Variants in GNB1 observed in about 807,000 individuals in gnomAD.
GNB1 encodes G protein subunit beta 1.
Under a neutral mutation model 42.9 loss-of-function variants are expected in GNB1, and 2 were observed. The observed-to-expected ratio is 0.05, with a 90% confidence interval of 0.02 to 0.15. The LOEUF (loss-of-function observed/expected upper bound fraction) is 0.15, where lower values mean the gene tolerates loss of function less well. Among genes scored for constraint, GNB1 ranks in the 10% least tolerant of loss-of-function variants. The pLI, the probability that GNB1 is intolerant of heterozygous loss-of-function variation, is 1.00. For synonymous variants in GNB1, 183 were observed against 174.7 expected (o/e 1.05, Z -0.38); for missense variants, 193 against 462.2 (o/e 0.42, Z 5.34).
At chr1:1,839,507 A>G (rs1329998600) in intron 1 of GNB1, 1 of 152,160 alleles carries the variant, frequency 6.6e-6, no homozygotes, top group Non-Finnish European at 1.5e-5. Context: ...AAGTATGGGC[A>G]CAGAGGTTAG....
intron 1 of GNB1, among the ~76,000 whole-genome samples, chr1:1,846,117 G>A (rs1234283735): frequency 2.0e-5 from 3 of 151,584 alleles, no homozygotes; most frequent in African/African-American, 7.3e-5. Flanking sequence ...GCCAAATTTA[G>A]GACAATCTGA....
intron 1 of GNB1, among the ~76,000 whole-genome samples, chr1:1,841,488 G>C (rs1400237693): frequency 6.6e-6 from 1 of 152,176 alleles, no homozygotes; most frequent in South Asian, 2.1e-4. Context: ...CCTGATTTCA[G>C]AACATTTAAA....
At chr1:1,817,561 C>A in intron 4 of GNB1, 1 of 269,598 alleles carries the variant, frequency 3.7e-6, no homozygotes, top group Non-Finnish European at 7.0e-6. Context: ...AGGAGAGGAG[C>A]TTCAAAATAT....
At chr1:1,871,033 T>G (rs191379700) in intron 1 of GNB1, among the ~76,000 whole-genome samples, 239 of 151,458 alleles carry the variant, frequency 1.6e-3, no homozygotes, top group Middle Eastern at 3.4e-3. Flanking sequence ...CAACCTTCTT[T>G]AAGTCGTATC....
chr1:1,885,642 C>T (rs1476951876), intron 1 of GNB1, among the ~76,000 whole-genome samples: 1 of 146,604 alleles, frequency 6.8e-6, no homozygotes, highest in Non-Finnish European at 1.5e-5. Context: ...CTGCAAGCTC[C>T]GCCTCCCGGG....
In GNB1 at chr1:1,804,586, TGACA is replaced by T. The variant is rs1355386787; in HGVS notation, c.268-9_268-6del. ...GCGCAGAGGGATGGCGTGGACCTAA[TGACA>T]GAAAGACAGATGATGCAAACAACTT... On this transcript the variant is annotated splice_polypyrimidine_tract_variant and splice_region_variant and intron_variant, in intron 6 of 11. Coordinates refer to ENST00000378609, the MANE Select transcript of GNB1 (RefSeq NM_002074.5). The T allele has an allele frequency of 1.3e-6, 2 of 1,573,420 alleles. No individual in the cohort carries two copies. Among genetic ancestry groups the T allele is most frequent in the South Asian group, 2.3e-5 (2 of 86,530 alleles).
At chr1:1,817,123 C>T (rs77893901) in intron 4 of GNB1, among the ~76,000 whole-genome samples, 1 of 152,274 alleles carries the variant, frequency 6.6e-6, no homozygotes, top group African/African-American at 2.4e-5. Flanking sequence ...CCTAACACCC[C>T]TGCTGGCCAC....
intron 1 of GNB1, among the ~76,000 whole-genome samples, chr1:1,845,465 C>T (rs1458495166): frequency 6.6e-6 from 1 of 152,012 alleles, no homozygotes; most frequent in Non-Finnish European, 1.5e-5. Context: ...CCCAGCTACT[C>T]AGGAGGCTGA....
At chr1:1,877,069 G>C (rs1195001852) in intron 1 of GNB1, among the ~76,000 whole-genome samples, 2 of 152,044 alleles carry the variant, frequency 1.3e-5, no homozygotes, top group Admixed American at 1.3e-4. Flanking sequence ...GGGAGGCCAA[G>C]GTGGGCGGAT....
chr1:1,889,862 G>C (rs1171615215), intron 1 of GNB1, among the ~76,000 whole-genome samples: 1 of 152,138 alleles, frequency 6.6e-6, no homozygotes, highest in South Asian at 2.1e-4. Context: ...ATTTTCAACA[G>C]ATCTCCCCAC....
chr1:1,787,106 C>T lies in GNB1; in HGVS notation c.*10-53G>A, dbSNP rs972593312. Reference sequence around the variant, plus strand: ...TGAAAAGAGGCAGAGAATCTAAGTGCAGACGCACAGCCAGGTCACTGCTCT... The same window carrying T: ...TGAAAAGAGGCAGAGAATCTAAGTGTAGACGCACAGCCAGGTCACTGCTCT... On this transcript the variant is annotated intron_variant, in intron 11 of 11. Transcript: ENST00000378609. The surrounding 1 kb of genome is among the most constrained non-coding windows in gnomAD (Gnocchi z 4.4). The T allele has an allele frequency of 4.7e-6, 2 of 427,000 alleles. No homozygotes were observed. Among genetic ancestry groups the T allele is most frequent in the Non-Finnish European group, 8.5e-6 (2 of 235,860 alleles). 26.5% of individuals were successfully genotyped at this position (427,000 alleles called of 1,614,324 possible). A position where few individuals can be genotyped will look rare whatever the true frequency, so the allele number is the denominator to read the frequency against.
At chr1:1,870,820 C>T (rs1649206275) in intron 1 of GNB1, among the ~76,000 whole-genome samples, 1 of 152,156 alleles carries the variant, frequency 6.6e-6, no homozygotes, top group Admixed American at 6.5e-5. Context: ...CACCTGTCAT[C>T]CCAGCTACTC....
intron 1 of GNB1, among the ~76,000 whole-genome samples, chr1:1,875,234 C>A (rs1438574810): frequency 1.3e-5 from 2 of 151,944 alleles, no homozygotes; most frequent in African/African-American, 2.4e-5. Flanking sequence ...CTCTGCCTAC[C>A]AGTCTGGAGT....
Position 1,787,198 on chromosome 1 carries a change from C to A in GNB1, c.*9+124G>T. The stretch of plus-strand genomic sequence containing the variant: ...TTCAGCTTTCTGTAAACGTTTCCCA[C>A]AACACAATTCCAAATCAATGCTACA... On this transcript the variant is annotated intron_variant, in intron 11 of 11. Coordinates refer to ENST00000378609, the MANE Select transcript of GNB1 (RefSeq NM_002074.5). This position sits in a 1 kb window ranked among gnomAD's most constrained non-coding sequence, Gnocchi z 4.4. The A allele has an allele frequency of 1.5e-6, 1 of 654,808 alleles. No individual in the cohort carries two copies. Among genetic ancestry groups the A allele is most frequent in the Non-Finnish European group, 2.7e-6 (1 of 368,052 alleles). 40.6% of individuals were successfully genotyped at this position (654,808 alleles called of 1,614,324 possible).
At chr1:1,811,073 A>G (rs1172496500) in intron 5 of GNB1, among the ~76,000 whole-genome samples, 3 of 32,656 alleles carry the variant, frequency 9.2e-5, no homozygotes, top group African/African-American at 2.0e-4. Flanking sequence ...ATATATACAT[A>G]TATATATATT....
At chr1:1,804,213 C>T (rs566059579) in intron 7 of GNB1, among the ~76,000 whole-genome samples, 2 of 151,866 alleles carry the variant, frequency 1.3e-5, no homozygotes, top group Non-Finnish European at 2.9e-5. Flanking sequence ...AGGGGAATGG[C>T]GTGAACACCC....
intron 7 of GNB1, among the ~76,000 whole-genome samples, chr1:1,794,699 C>T (rs1036075866): frequency 6.6e-6 from 1 of 152,100 alleles, no homozygotes; most frequent in Non-Finnish European, 1.5e-5. Context: ...ACATTATTAT[C>T]ACTATTTTTT....
chr1:1,824,355 G>A (rs1463808730), intron 3 of GNB1, among the ~76,000 whole-genome samples: 3 of 152,064 alleles, frequency 2.0e-5, no homozygotes, highest in Non-Finnish European at 4.4e-5. Context: ...AAGTTATGAG[G>A]CAAGAGAATT....
Position 1,785,701 on chromosome 1 carries a change from G to C in GNB1, c.*1362C>G, listed in dbSNP as rs1646396023. 2 of 312,974 alleles carry C rather than the reference G, an allele frequency of 6.4e-6. No individual in the cohort carries two copies. The highest frequency in any genetic ancestry group is 8.2e-4 in the Middle Eastern group (1 of 1,220). The allele number at this position is 312,974 out of a possible 1,614,324, so 19.4% of individuals were successfully genotyped here. On this transcript the variant is annotated 3_prime_UTR_variant, in exon 12 of 12. Coordinates refer to ENST00000378609, the MANE Select transcript of GNB1 (RefSeq NM_002074.5). ...GAATGAGCCACCTCAGATGTGGAGG[G>C]CCCTGAAGAATCCATATAGGAGGGC...
Sources: gnomAD v4.1 joint callset for allele counts (sites outside exome capture counted in the v4.1 genomes callset) on GRCh38, gnomAD v4.1.1 for gene constraint, Gnocchi (gnomAD v3.1) non-coding constraint, MANE v1.5 for transcripts, NCBI Gene and HGNC (gene_info 2026-07-23, HGNC 2026-07-21) for gene names.